Variants in TRDMT1 observed in about 807,000 individuals in gnomAD.
TRDMT1 encodes the protein tRNA aspartic acid methyltransferase 1.
Under a neutral mutation model 51.2 loss-of-function variants are expected in TRDMT1, and 49 were observed. That is an observed-to-expected ratio of 0.96 (90% confidence interval 0.76 to 1.21). The LOEUF (loss-of-function observed/expected upper bound fraction) is 1.21. Among genes scored for constraint, TRDMT1 ranks in the 50% most tolerant of loss-of-function variants. The pLI is 0.00. For missense variants in TRDMT1, 534 were observed against 462.3 expected (o/e 1.16, Z -1.42); for synonymous variants, 187 against 164.6 (o/e 1.14, Z -1.04).
chr10:17,149,481 T>C (rs1031508495), intron 10 of TRDMT1, among the ~76,000 whole-genome samples: 2 of 152,178 alleles, frequency 1.3e-5, no homozygotes, highest in African/African-American at 4.8e-5. Flanking sequence ...GATTTAATAA[T>C]CCTTTTATGG....
rs1252372163 is a variant in TRDMT1, at chr10:17,144,281, T to C, written c.*4759A>G. ...ACACTCTTATAATTTCAATCTGTCCTGATAAAAATAGAAATCAAAATGCAA... is the reference window on the plus strand; with the variant it reads ...ACACTCTTATAATTTCAATCTGTCCCGATAAAAATAGAAATCAAAATGCAA... On this transcript the variant is annotated 3_prime_UTR_variant, in exon 11 of 11. Coordinates refer to ENST00000377799, the MANE Select transcript of TRDMT1 (RefSeq NM_004412.7). The C allele has an allele frequency of 6.1e-6, 6 of 985,448 alleles. No homozygotes were observed. The highest frequency in any genetic ancestry group is 5.2e-4 in the Middle Eastern group (1 of 1,936). 61.0% of individuals were successfully genotyped at this position (985,448 alleles called of 1,614,324 possible).
At chr10:17,188,560 A>G (rs548878906) in intron 1 of TRDMT1, among the ~76,000 whole-genome samples, 2 of 152,348 alleles carry the variant, frequency 1.3e-5, no homozygotes, top group South Asian at 4.1e-4. Flanking sequence ...TATTTTATAC[A>G]GCACTATCTT....
intron 1 of TRDMT1, among the ~76,000 whole-genome samples, chr10:17,188,299 T>C (rs1844205462): frequency 6.6e-6 from 1 of 152,196 alleles, no homozygotes; most frequent in South Asian, 2.1e-4. Flanking sequence ...AGAGAAAGGA[T>C]TTATCCCCTG....
chr10:17,144,835 C>CT lies in TRDMT1; in HGVS notation c.*4204dup. On this transcript the variant is annotated 3_prime_UTR_variant, in exon 11 of 11. Transcript: ENST00000377799. ...TTTTCTTTTTTTTTTTAAACTGAAG[C>CT]TTTAAAATTTCACCAGCAAAGACAA... 1 of 984,368 alleles carries CT rather than the reference C, an allele frequency of 1.0e-6. No homozygotes were observed. Among genetic ancestry groups the CT allele is most frequent in the Non-Finnish European group, 1.2e-6 (1 of 829,704 alleles). 61.0% of individuals were successfully genotyped at this position (984,368 alleles called of 1,614,324 possible).
intron 1 of TRDMT1, among the ~76,000 whole-genome samples, chr10:17,188,551 A>G (rs1844253041): frequency 6.6e-6 from 1 of 152,172 alleles, no homozygotes; most frequent in Non-Finnish European, 1.5e-5. Flanking sequence ...CCTCCAACAT[A>G]TTTTATACAG....
chr10:17,163,753 A>C (rs1365103985), intron 3 of TRDMT1, among the ~76,000 whole-genome samples: 1 of 152,210 alleles, frequency 6.6e-6, no homozygotes, highest in Admixed American at 6.5e-5. Context: ...ACACAAATAA[A>C]CTAGAAAATC....
rs561843904 is a variant in TRDMT1 at position 17,196,616 on chromosome 10, T to G, written c.64+4955A>C. Among the ~76,000 whole-genome samples, 4 of 152,366 alleles carry G rather than the reference T, an allele frequency of 2.6e-5. No individual in the cohort carries two copies. In the South Asian group the frequency reaches 6.2e-4, roughly 24 times the overall value. On this transcript the variant is annotated intron_variant, in intron 1 of 10. Coordinates refer to ENST00000377799, the MANE Select transcript of TRDMT1 (RefSeq NM_004412.7). The stretch of plus-strand genomic sequence containing the variant: ...AAAGTACACATAAGTAGTTTCTGTA[T>G]AGGTCAAATATGTATTTAAAAATGT...
chr10:17,137,823 C>G lies in TRDMT1; in HGVS notation c.*11217G>C, dbSNP rs1271560398. Among the ~76,000 whole-genome samples, 2 of 145,440 alleles carry G rather than the reference C, an allele frequency of 1.4e-5. No individual in the cohort carries two copies. Among genetic ancestry groups the G allele is most frequent in the Admixed American group, 6.8e-5 (1 of 14,674 alleles). On this transcript the variant is annotated 3_prime_UTR_variant, in exon 11 of 11. Coordinates refer to ENST00000377799, the MANE Select transcript of TRDMT1 (RefSeq NM_004412.7). Reference sequence around the variant, plus strand: ...CCAGCCTGGGTGACAGAGCGAAACTCTGCCAAAAAAAAAAGAAAAAAAAAA... The same window carrying G: ...CCAGCCTGGGTGACAGAGCGAAACTGTGCCAAAAAAAAAAGAAAAAAAAAA...
intron 7 of TRDMT1, among the ~76,000 whole-genome samples, chr10:17,158,923 A>G (rs7898768): frequency 0.14 from 20,861 of 152,100 alleles, 1,526 homozygotes; most frequent in Admixed American, 0.17. Context: ...TTCTAATGAG[A>G]AAAAGAAACA....
chr10:17,167,661 G>A (rs1841398592), intron 3 of TRDMT1, among the ~76,000 whole-genome samples: 1 of 151,980 alleles, frequency 6.6e-6, no homozygotes, highest in African/African-American at 2.4e-5. Flanking sequence ...TTTAAATGAA[G>A]AGTTTATAAC....
chr10:17,164,757 C>G (rs1030841318), intron 3 of TRDMT1, among the ~76,000 whole-genome samples: 3 of 152,154 alleles, frequency 2.0e-5, no homozygotes, highest in Non-Finnish European at 2.9e-5. Flanking sequence ...CATGAGTGAA[C>G]TCCCATTCAC....
In TRDMT1 at chr10:17,144,255, T is replaced by C; in HGVS notation, c.*4785A>G. The C allele has an allele frequency of 1.0e-6, 1 of 985,686 alleles. No homozygotes were observed. Among genetic ancestry groups the C allele is most frequent in the South Asian group, 4.7e-5 (1 of 21,286 alleles). 61.1% of individuals were successfully genotyped at this position (985,686 alleles called of 1,614,324 possible). A position where few individuals can be genotyped will look rare whatever the true frequency, so the allele number is the denominator to read the frequency against. ...TAGCTAAACAAACATGTTCTCTATG[T>C]ACACTCTTATAATTTCAATCTGTCC... On this transcript the variant is annotated 3_prime_UTR_variant, in exon 11 of 11. Coordinates refer to ENST00000377799, the MANE Select transcript of TRDMT1 (RefSeq NM_004412.7).
At chr10:17,188,107 T>C (rs900249600) in intron 1 of TRDMT1, among the ~76,000 whole-genome samples, 1 of 150,616 alleles carries the variant, frequency 6.6e-6, no homozygotes, top group African/African-American at 2.4e-5. Flanking sequence ...TTTTTTTAAC[T>C]GGCATGAAGA....
Position 17,145,194 on chromosome 10 carries a change from C to T in TRDMT1, c.*3846G>A, listed in dbSNP as rs1837994106. On this transcript the variant is annotated 3_prime_UTR_variant, in exon 11 of 11. Coordinates refer to ENST00000377799, the MANE Select transcript of TRDMT1 (RefSeq NM_004412.7). ...CCCAGGAGGGGGAGATTGCAGTGAG[C>T]CGAGATCACGCCACTGCACTCCAGC... The T allele has an allele frequency of 2.7e-5, 21 of 788,010 alleles. No individual in the cohort carries two copies. The highest frequency in any genetic ancestry group is 3.2e-5 in the Non-Finnish European group (21 of 649,738). 48.8% of individuals were successfully genotyped at this position (788,010 alleles called of 1,614,324 possible). A position where few individuals can be genotyped will look rare whatever the true frequency, so the allele number is the denominator to read the frequency against.
intron 3 of TRDMT1, among the ~76,000 whole-genome samples, chr10:17,164,471 C>A (rs1016941282): frequency 6.6e-6 from 1 of 152,158 alleles, no homozygotes; most frequent in Non-Finnish European, 1.5e-5. Flanking sequence ...GACAGGGATG[C>A]CCTCTCTCAT....
intron 10 of TRDMT1, chr10:17,152,980 C>T (rs1838962207): frequency 6.4e-6 from 1 of 155,724 alleles, no homozygotes. Flanking sequence ...CCTAGACAGC[C>T]TCTCCACCTC....
At chr10:17,155,286 ACT>A (rs1012713121) in intron 8 of TRDMT1, among the ~76,000 whole-genome samples, 3 of 152,220 alleles carry the variant, frequency 2.0e-5, no homozygotes, top group Non-Finnish European at 2.9e-5. Context: ...AGTAAACACC[ACT>A]GAATGATGAA....
chr10:17,185,324 C>T (rs1410322306), intron 1 of TRDMT1, among the ~76,000 whole-genome samples: 2 of 152,306 alleles, frequency 1.3e-5, no homozygotes, highest in Admixed American at 6.5e-5. Flanking sequence ...AAAAAATGCT[C>T]ATCATCACTG....
intron 1 of TRDMT1, among the ~76,000 whole-genome samples, chr10:17,175,930 C>T (rs775077406): frequency 4.6e-5 from 7 of 152,186 alleles, no homozygotes; most frequent in Non-Finnish European, 7.3e-5. Flanking sequence ...AGATCCCCTG[C>T]GTGCTGCAAA....
Sources: gnomAD v4.1 joint callset for allele counts (sites outside exome capture counted in the v4.1 genomes callset) on GRCh38, gnomAD v4.1.1 for gene constraint, MANE v1.5 for transcripts, NCBI Gene and HGNC (gene_info 2026-07-23, HGNC 2026-07-21) for gene names.